The following NRG4 variants were observed in gnomAD, a reference collection of about 807,000 sequenced individuals.
NRG4 encodes neuregulin 4.
NRG4 carries 10 observed loss-of-function variants against 15.0 expected under a neutral mutation model. The ratio of observed to expected loss-of-function variants is 0.67; its 90% CI spans 0.41 to 1.13. NRG4 has a LOEUF of 1.13. NRG4 is among the 50% of genes most tolerant of loss of function. The pLI is 0.00. For missense variants in NRG4, 139 were observed against 140.2 expected (o/e 0.99, Z 0.04); for synonymous variants, 41 against 50.1 (o/e 0.82, Z 0.77).
Position 76,041,676 on chromosome 15 carries a change from T to TA in NRG4, c.-104-5686dup, listed in dbSNP as rs567466296. On this transcript the variant is annotated intron_variant, in intron 4 of 8. Coordinates refer to the NRG4 transcript ENST00000563910. ...TGCACCCAACACTAGAGCACCCAGA[T>TA]ATATAGAGCAAATATTTGAGCTAAA... Among the ~76,000 whole-genome samples the TA allele has an allele frequency of 2.5e-3, 382 of 152,230 alleles. 3 individuals are homozygous for TA. Among genetic ancestry groups the TA allele is most frequent in the African/African-American group, 8.8e-3 (366 of 41,546 alleles).
chr15:76,051,855 G>C (rs1596066454), intron 4 of NRG4, among the ~76,000 whole-genome samples: 1 of 151,020 alleles, frequency 6.6e-6, no homozygotes, highest in Admixed American at 6.6e-5. Flanking sequence ...ACAGGCGTGA[G>C]CCACCGTGCC....
At chr15:76,054,558 G>C (rs1489380284) in intron 2 of NRG4, among the ~76,000 whole-genome samples, 2 of 152,182 alleles carry the variant, frequency 1.3e-5, no homozygotes, top group Non-Finnish European at 2.9e-5. Context: ...GGGATTACAG[G>C]CGCCCACCAC....
At position 75,941,379 on chromosome 15, in the gene NRG4, A is replaced by G. The variant is rs2030938939; in HGVS notation, c.*2259T>C. 6.6e-6 allele frequency: 1 copy of G among 152,218 alleles called. No individual in the cohort carries two copies. The highest frequency in any genetic ancestry group is 1.5e-5 in the Non-Finnish European group (1 of 68,002). The allele number at this position is 152,218 out of a possible 1,614,324, so 9.4% of individuals were successfully genotyped here. On this transcript the variant is annotated 3_prime_UTR_variant, in exon 6 of 6. Coordinates refer to ENST00000394907, the MANE Select transcript of NRG4 (RefSeq NM_138573.4). ...TAGAAAACAGTATGGTGATTTTCCA[A>G]TTAAATATAGAATTGTCATTTGATT...
intron 3 of NRG4, among the ~76,000 whole-genome samples, chr15:75,991,753 A>G (rs79486024): frequency 0.016 from 2,481 of 152,070 alleles, 65 homozygotes; most frequent in African/African-American, 0.056. Flanking sequence ...CTCTGTTATT[A>G]GGTACATATA....
At chr15:76,031,651 C>T (rs1304459560) in intron 5 of NRG4, among the ~76,000 whole-genome samples, 1 of 152,134 alleles carries the variant, frequency 6.6e-6, no homozygotes, top group Non-Finnish European at 1.5e-5. Context: ...GATTGCACCA[C>T]TGCACTCCAG....
In NRG4 at chr15:76,050,858, C is replaced by T. The variant is rs1396889134; in HGVS notation, c.-105+1209G>A. ...TCTCAGTCTGTCACCCAGACTGTGG[C>T]GCAATGGTTTGATCATAGCCCACTG... On this transcript the variant is annotated intron_variant, in intron 4 of 8. Coordinates refer to the NRG4 transcript ENST00000563910. Among the ~76,000 whole-genome samples the T allele has an allele frequency of 2.7e-5, 4 of 148,814 alleles. 1 individual carries two copies. The highest frequency in any genetic ancestry group is 1.9e-4 in the East Asian group (1 of 5,174).
chr15:76,031,454 G>A (rs1274783650), intron 5 of NRG4, among the ~76,000 whole-genome samples: 8 of 152,190 alleles, frequency 5.3e-5, no homozygotes, highest in Admixed American at 2.6e-4. Context: ...TTGGGAGGCC[G>A]AGGCAGGTGG....
intron 3 of NRG4, among the ~76,000 whole-genome samples, chr15:76,007,678 C>T (rs1041835420): frequency 1.3e-4 from 20 of 152,174 alleles, no homozygotes; most frequent in African/African-American, 4.8e-4. Context: ...ATCCGCCCAC[C>T]TTGGCCTCCC....
At chr15:76,004,628 C>T (rs2034534529) in intron 3 of NRG4, among the ~76,000 whole-genome samples, 1 of 150,020 alleles carries the variant, frequency 6.7e-6, no homozygotes, top group Admixed American at 6.6e-5. Context: ...TTTTTTTTTA[C>T]TATGAATAAA....
chr15:75,945,994 T>G (rs773068042), intron 5 of NRG4: 2 of 152,202 alleles, frequency 1.3e-5, no homozygotes, highest in African/African-American at 4.8e-5. Flanking sequence ...TCCTGCACTT[T>G]GGGGCCATTA....
chr15:76,027,410 C>A (rs1389054660), intron 5 of NRG4, among the ~76,000 whole-genome samples: 1 of 151,356 alleles, frequency 6.6e-6, no homozygotes, highest in Admixed American at 6.6e-5. Flanking sequence ...CACCAAAGCA[C>A]CTAGATATAT....
chr15:76,045,173 C>A lies in NRG4; in HGVS notation c.-105+6894G>T, dbSNP rs1398032378. On this transcript the variant is annotated intron_variant, in intron 4 of 8. Transcript: ENST00000563910. ...TCTCAAAAGACATACAAATGGCATA[C>A]AGGCATATGAAAAGGTGCTCAACAT... 2.0e-5 allele frequency among the ~76,000 whole-genome samples: 3 copies of A among 150,964 alleles called. 1 individual carries two copies. Among genetic ancestry groups the A allele is most frequent in the African/African-American group, 7.4e-5 (3 of 40,492 alleles).
chr15:75,970,353 C>T (rs2033031154), intron 3 of NRG4, among the ~76,000 whole-genome samples: 1 of 152,234 alleles, frequency 6.6e-6, no homozygotes, highest in African/African-American at 2.4e-5. Context: ...ACTAGCTTTT[C>T]ATATATTCTA....
downstream of NRG4, chr15:75,940,439 A>G (rs1458242215): frequency 6.6e-6 from 1 of 150,872 alleles, no homozygotes; most frequent in African/African-American, 2.4e-5. Flanking sequence ...TACAGTCTCT[A>G]TCAGAATCCT....
At chr15:76,001,317 G>GA (rs1039738266) in intron 3 of NRG4, among the ~76,000 whole-genome samples, 1 of 151,548 alleles carries the variant, frequency 6.6e-6, no homozygotes, top group Non-Finnish European at 1.5e-5. Context: ...TAGCCACATT[G>GA]AAAAAAACCG....
intron 3 of NRG4, among the ~76,000 whole-genome samples, chr15:76,003,017 C>G (rs2034470303): frequency 1.3e-5 from 2 of 152,178 alleles, no homozygotes; most frequent in East Asian, 3.9e-4. Context: ...TCAACTGCTC[C>G]TTTTCAAATG....
chr15:76,005,478 G>T (rs922998104), intron 3 of NRG4, among the ~76,000 whole-genome samples: 1 of 150,782 alleles, frequency 6.6e-6, no homozygotes, highest in Non-Finnish European at 1.5e-5. Context: ...CTGAGGTCAG[G>T]AGTTCAAGAC....
chr15:75,956,051 A>G (rs2032221474), intron 4 of NRG4, 40 bp from the exon 5 acceptor site: 1 of 1,204,606 alleles, frequency 8.3e-7, no homozygotes, highest in Non-Finnish European at 1.2e-6. Context: ...ATGGAAGTGT[A>G]ATAGGAAAAG....
chr15:76,004,454 G>A (rs2034523464), intron 3 of NRG4, among the ~76,000 whole-genome samples: 1 of 151,676 alleles, frequency 6.6e-6, no homozygotes. Context: ...TACAAAATTA[G>A]CCAGGCATGG....
Sources: allele counts gnomAD v4.1 joint callset (sites outside exome capture counted in the v4.1 genomes callset), GRCh38; gene constraint gnomAD v4.1.1; transcripts MANE v1.5; gene names NCBI Gene and HGNC (gene_info 2026-07-23, HGNC 2026-07-21).